MYO1E: variants seen among roughly 807,000 people sequenced by gnomAD.
MYO1E encodes the protein unconventional myosin-Ie.
In MYO1E, 68 loss-of-function variants were observed where a neutral mutation model predicts 151.1. That is an observed-to-expected ratio of 0.45 (90% CI 0.37 to 0.55). MYO1E has a LOEUF of 0.55. Ranked by LOEUF, MYO1E falls within the 20% of genes least tolerant of loss-of-function variation. The pLI, the probability that MYO1E is intolerant of heterozygous loss-of-function variation, is 0.00. For missense variants in MYO1E, 1,363 were observed against 1,389.3 expected (o/e 0.98, Z 0.30); for synonymous variants, 601 against 501.7 (o/e 1.20, Z -2.64).
intron 4 of MYO1E, among the ~76,000 whole-genome samples, chr15:59,240,418 A>G (rs2080093037): frequency 6.6e-6 from 1 of 152,178 alleles, no homozygotes; most frequent in East Asian, 1.9e-4. Context: ...ATAGAAATGG[A>G]AACATACGGT....
rs2079376707 is a variant in MYO1E at position 59,136,911 on chromosome 15, C to T, written c.*469G>A. 1 of 372,172 alleles carries T rather than the reference C, an allele frequency of 2.7e-6. No homozygotes were observed. The highest frequency in any genetic ancestry group is 5.3e-6 in the Non-Finnish European group (1 of 186,942). 23.1% of individuals were successfully genotyped at this position (372,172 alleles called of 1,614,324 possible). A position where few individuals can be genotyped will look rare whatever the true frequency, so the allele number is the denominator to read the frequency against. On this transcript the variant is annotated 3_prime_UTR_variant, in exon 28 of 28. Coordinates refer to ENST00000288235, the MANE Select transcript of MYO1E (RefSeq NM_004998.4). ...CACGCTAAGCCCAGTCTGCAGAGGG[C>T]GGGTCCTCCCTGAAGGAAGGTGGCA...
chr15:59,140,259 G>A (rs534689261), intron 26 of MYO1E, among the ~76,000 whole-genome samples: 103 of 152,264 alleles, frequency 6.8e-4, no homozygotes, highest in African/African-American at 2.2e-3. Context: ...TATATACTAT[G>A]CTGCCTTAAG....
At chr15:59,170,322 C>G (rs1045146437) in intron 22 of MYO1E, among the ~76,000 whole-genome samples, 3 of 152,238 alleles carry the variant, frequency 2.0e-5, no homozygotes, top group Admixed American at 6.5e-5. Flanking sequence ...AGCGACTACA[C>G]ACACCCTAGA....
At chr15:59,236,797 T>A in intron 4 of MYO1E, 125 bp from the exon 5 acceptor site, 1 of 664,524 alleles carries the variant, frequency 1.5e-6, no homozygotes, top group Non-Finnish European at 2.4e-6. Flanking sequence ...AGAAAAGAAT[T>A]TTTTTTTTTA....
At position 59,372,533 on chromosome 15, in the gene MYO1E, G is replaced by A. The variant is rs1275019894; in HGVS notation, c.-33C>T. On this transcript the variant is annotated 5_prime_UTR_variant, in exon 1 of 28. Coordinates refer to ENST00000288235, the MANE Select transcript of MYO1E (RefSeq NM_004998.4). The stretch of plus-strand genomic sequence containing the variant: ...CGCGCCGCGGTCGCGTCTTCGCCGG[G>A]TCCCGCTGCCGGGGAACTGGGGCTG... 6.5e-7 allele frequency: 1 copy of A among 1,535,514 alleles called. No individual in the cohort carries two copies. The highest frequency in any genetic ancestry group is 8.8e-7 in the Non-Finnish European group (1 of 1,140,760).
chr15:59,325,621 T>C (rs1263015337), intron 1 of MYO1E, among the ~76,000 whole-genome samples: 5 of 152,228 alleles, frequency 3.3e-5, no homozygotes, highest in African/African-American at 1.2e-4. Flanking sequence ...CTTTTTTCCA[T>C]GAAGGAATAC....
intron 13 of MYO1E, among the ~76,000 whole-genome samples, chr15:59,210,200 T>G (rs114966911): frequency 1.3e-5 from 2 of 152,068 alleles, no homozygotes; most frequent in African/African-American, 4.8e-5. Context: ...GTCCTAGAAG[T>G]TGGACTAGAA....
At chr15:59,364,308 A>G (rs1469788217) in intron 1 of MYO1E, among the ~76,000 whole-genome samples, 1 of 152,158 alleles carries the variant, frequency 6.6e-6, no homozygotes, top group East Asian at 1.9e-4. Flanking sequence ...GAACCTGGGA[A>G]TGTGGAGTAT....
chr15:59,208,317 A>G, intron 14 of MYO1E: 1 of 561,154 alleles, frequency 1.8e-6, no homozygotes, highest in Non-Finnish European at 3.2e-6. Context: ...AGCACTTGCC[A>G]TGTTATATAT....
At chr15:59,146,232 A>G (rs1301621383) in intron 26 of MYO1E, among the ~76,000 whole-genome samples, 2 of 152,214 alleles carry the variant, frequency 1.3e-5, no homozygotes, top group East Asian at 1.9e-4. Flanking sequence ...TCTGTGATAC[A>G]GTATTTGTAT....
At chr15:59,156,815 A>G (rs1421696863) in intron 25 of MYO1E, among the ~76,000 whole-genome samples, 1 of 152,264 alleles carries the variant, frequency 6.6e-6, no homozygotes, top group Non-Finnish European at 1.5e-5. Flanking sequence ...GAAAAACATT[A>G]AAAGATTTTA....
At chr15:59,277,564 A>AAAAAAAAC (rs2080328227) in intron 1 of MYO1E, among the ~76,000 whole-genome samples, 9 of 139,794 alleles carry the variant, frequency 6.4e-5, no homozygotes, top group Admixed American at 5.0e-4. Flanking sequence ...AAAAAAAAAA[A>AAAAAAAAC]AAAAAAAAAC....
intron 26 of MYO1E, among the ~76,000 whole-genome samples, chr15:59,144,556 A>T (rs1312056753): frequency 6.6e-6 from 1 of 152,038 alleles, no homozygotes; most frequent in Non-Finnish European, 1.5e-5. Flanking sequence ...TGGCCTCCCA[A>T]AGTGCTGGGA....
intron 16 of MYO1E, among the ~76,000 whole-genome samples, chr15:59,200,805 CT>C (rs2079796729): frequency 6.6e-6 from 1 of 152,114 alleles, no homozygotes; most frequent in African/African-American, 2.4e-5. Context: ...AAGATAGACA[CT>C]AATATCTTAA....
chr15:59,158,237 T>C, intron 25 of MYO1E, 50 bp downstream of exon 25: 1 of 1,409,962 alleles, frequency 7.1e-7, no homozygotes, highest in East Asian at 2.5e-5. Flanking sequence ...ATTTTATAAG[T>C]TATGGGTCCA....
chr15:59,216,900 T>C (rs2079922063), intron 10 of MYO1E, among the ~76,000 whole-genome samples: 1 of 151,370 alleles, frequency 6.6e-6, no homozygotes, highest in Non-Finnish European at 1.5e-5. Flanking sequence ...AGTCCAAGAT[T>C]AGGACATAAA....
intron 10 of MYO1E, among the ~76,000 whole-genome samples, chr15:59,217,413 G>A (rs1196331179): frequency 6.8e-6 from 1 of 147,176 alleles, no homozygotes; most frequent in East Asian, 2.1e-4. Flanking sequence ...GGCAGTTCTA[G>A]AAGGAAAAGC....
intron 1 of MYO1E, among the ~76,000 whole-genome samples, chr15:59,327,287 C>T (rs1408263953): frequency 6.6e-6 from 1 of 151,688 alleles, no homozygotes; most frequent in Non-Finnish European, 1.5e-5. Context: ...CTTACATCTC[C>T]ATATACCTGC....
intron 1 of MYO1E, among the ~76,000 whole-genome samples, chr15:59,299,649 T>C (rs2140402706): frequency 6.6e-6 from 1 of 152,330 alleles, no homozygotes; most frequent in East Asian, 1.9e-4. Context: ...AGAATATAAA[T>C]GCAATTCACT....
Sources: allele counts gnomAD v4.1 joint callset (sites outside exome capture counted in the v4.1 genomes callset), GRCh38; gene constraint gnomAD v4.1.1; transcripts MANE v1.5; gene names NCBI Gene and HGNC (gene_info 2026-07-23, HGNC 2026-07-21).